The following KCNS2 variants were observed in gnomAD, a reference collection of about 807,000 sequenced individuals.
KCNS2 encodes delayed-rectifier potassium channel regulatory subunit KCNS2.
Under a neutral mutation model 28.3 loss-of-function variants are expected in KCNS2, and 15 were observed. The ratio of observed to expected loss-of-function variants is 0.53; its 90% CI spans 0.35 to 0.82. KCNS2 has a LOEUF of 0.82. Ranked by LOEUF, KCNS2 falls within the 40% of genes least tolerant of loss-of-function variation. The probability of loss-of-function intolerance (pLI) is 0.01; values close to 1 mark genes in which losing one functional copy is unlikely to be tolerated. For missense variants in KCNS2, 501 were observed against 617.1 expected (o/e 0.81, Z 1.99); for synonymous variants, 254 against 256.7 (o/e 0.99, Z 0.10).
Position 98,428,260 on chromosome 8 carries a change from C to G in KCNS2, c.281C>G (p.Ala94Gly). Residue 94 changes from alanine (A) to glycine (G), a missense_variant, in exon 2 of 2, where the codon GCT (alanine) becomes GGT (glycine). Coordinates refer to ENST00000287042, the MANE Select transcript of KCNS2 (RefSeq NM_020697.4). This position sits in a 1 kb window ranked among gnomAD's most constrained non-coding sequence, Gnocchi z 6.7. The stretch of plus-strand genomic sequence containing the variant: ...CACACCGGCAAGCTTCACGTCATGG[C>G]TGAGCTATGTGTCTTCTCCTTCAGC... ...FYHTGKLHVM[A>G]ELCVFSFSQE... 1.2e-6 allele frequency: 2 copies of G among 1,614,152 alleles called. No homozygotes were observed. Among genetic ancestry groups the G allele is most frequent in the Non-Finnish European group, 1.7e-6 (2 of 1,180,032 alleles).
In KCNS2 at chr8:98,428,027, C is replaced by A. The variant is rs140515528; in HGVS notation, c.48C>A (p.Asp16Glu). 2.0e-5 allele frequency: 32 copies of A among 1,603,684 alleles called. No individual in the cohort carries two copies. Among genetic ancestry groups the A allele is most frequent in the Non-Finnish European group, 8.5e-7 (1 of 1,174,478 alleles). The change falls in exon 2 of 2, where the codon GAC (aspartate) becomes GAA (glutamate). Residue 16 changes from aspartate to glutamate, a missense_variant. Asp to Glu is a conservative substitution (Grantham distance 45, BLOSUM62 2). Transcript: ENST00000287042. The surrounding 1 kb of genome is among the most constrained non-coding windows in gnomAD (Gnocchi z 6.7). ...LWDVSEANVE[D>E]GEIRINVGGF... is the part of the protein sequence containing the mutation. Reference sequence around the variant, plus strand: ...ACGTGTCGGAGGCTAACGTCGAGGACGGGGAGATCCGCATCAATGTGGGCG... The same window carrying A: ...ACGTGTCGGAGGCTAACGTCGAGGAAGGGGAGATCCGCATCAATGTGGGCG...
rs921768514 is a variant in KCNS2, at chr8:98,432,071, C to T, written c.*2658C>T. 1 of 167,042 alleles carries T rather than the reference C, an allele frequency of 6.0e-6. No homozygotes were observed. Among genetic ancestry groups the T allele is most frequent in the African/African-American group, 2.4e-5 (1 of 41,450 alleles). 10.3% of individuals were successfully genotyped at this position (167,042 alleles called of 1,614,324 possible). On this transcript the variant is annotated 3_prime_UTR_variant, in exon 2 of 2. Coordinates refer to ENST00000287042, the MANE Select transcript of KCNS2 (RefSeq NM_020697.4). ...AATCTTCCTCTCCCCTAAAGTCTCA[C>T]TAAGGTTTGAAGTTTACAGGTGCTC...
rs932889118 is a variant in KCNS2 at position 98,431,771 on chromosome 8, G to A, written c.*2358G>A. Reference sequence around the variant, plus strand: ...AAACTTGACTTTTCTTTTTGGTAATGACTTGCATTTATCTGGTGCCTTTCG... The same window carrying A: ...AAACTTGACTTTTCTTTTTGGTAATAACTTGCATTTATCTGGTGCCTTTCG... On this transcript the variant is annotated 3_prime_UTR_variant, in exon 2 of 2. Coordinates refer to ENST00000287042, the MANE Select transcript of KCNS2 (RefSeq NM_020697.4). 6.0e-6 allele frequency: 1 copy of A among 167,220 alleles called. No individual in the cohort carries two copies. The highest frequency in any genetic ancestry group is 6.5e-5 in the Admixed American group (1 of 15,312). The allele number at this position is 167,220 out of a possible 1,614,324, so 10.4% of individuals were successfully genotyped here. A position where few individuals can be genotyped will look rare whatever the true frequency, so the allele number is the denominator to read the frequency against.
At position 98,429,845 on chromosome 8, in the gene KCNS2, G is replaced by GC. The variant is rs1235913932; in HGVS notation, c.*432_*433insC. 5.7e-6 allele frequency: 1 copy of GC among 174,154 alleles called. No homozygotes were observed. The highest frequency in any genetic ancestry group is 1.4e-5 in the Non-Finnish European group (1 of 73,024). 10.8% of individuals were successfully genotyped at this position (174,154 alleles called of 1,614,324 possible). ...CGTCCAGTAGAAATGCATCTATGAG[G>GC]TCAGCAAGGATATGATGAGATTTTG... On this transcript the variant is annotated 3_prime_UTR_variant, in exon 2 of 2. Coordinates refer to ENST00000287042, the MANE Select transcript of KCNS2 (RefSeq NM_020697.4).
Position 98,432,576 on chromosome 8 carries a change from T to C in KCNS2, c.*3163T>C, listed in dbSNP as rs1172905624. ...ATTGGTATTTAACATTTGCATTTGT[T>C]ATTTCTACTTATCTTAGCACTCAAA... On this transcript the variant is annotated 3_prime_UTR_variant, in exon 2 of 2. Coordinates refer to ENST00000287042, the MANE Select transcript of KCNS2 (RefSeq NM_020697.4). 1 of 167,144 alleles carries C rather than the reference T, an allele frequency of 6.0e-6. No homozygotes were observed. The highest frequency in any genetic ancestry group is 2.4e-5 in the African/African-American group (1 of 41,470). The allele number at this position is 167,144 out of a possible 1,614,324, so 10.4% of individuals were successfully genotyped here.
rs746548261 is a variant in KCNS2 at position 98,428,815 on chromosome 8, T to C, written c.836T>C (p.Leu279Pro). The change falls in exon 2 of 2, where the codon CTG becomes CCG. Residue 279 changes from leucine to proline, a missense_variant. Physicochemically the swap from Leu to Pro is moderately conservative, Grantham distance 98 (BLOSUM62 -3). Transcript: ENST00000287042. This position sits in a 1 kb window ranked among gnomAD's most constrained non-coding sequence, Gnocchi z 6.7. The part of the protein sequence containing the change: ...VPFYITLVVN[L>P]VVESTPTLAN... The stretch of plus-strand genomic sequence containing the variant: ...TTTTACATCACTCTGGTGGTGAACC[T>C]GGTGGTGGAGAGCACACCTACTTTA... 6.2e-7 allele frequency: 1 copy of C among 1,614,210 alleles called. No individual in the cohort carries two copies. Among genetic ancestry groups the C allele is most frequent in the East Asian group, 2.2e-5 (1 of 44,886 alleles).
chr8:98,428,478 G>C lies in KCNS2; in HGVS notation c.499G>C (p.Gly167Arg). The change falls in exon 2 of 2, where the codon GGC becomes CGC. Residue 167 changes from glycine to arginine, a missense_variant. By Grantham distance (125) the Gly-to-Arg change is moderately radical. Coordinates refer to ENST00000287042, the MANE Select transcript of KCNS2 (RefSeq NM_020697.4). The surrounding 1 kb of genome is among the most constrained non-coding windows in gnomAD (Gnocchi z 6.7). ...CTCCAAGTTCGATGGGCAGCCCCTC[G>C]GCAACTTCCGCAGGCAGCTGTGGCT... Reference protein sequence around the residue: ...DASKFDGQPLGNFRRQLWLAL... With the variant: ...DASKFDGQPLRNFRRQLWLAL... 1.2e-6 allele frequency: 2 copies of C among 1,614,102 alleles called. No homozygotes were observed. Among genetic ancestry groups the C allele is most frequent in the Non-Finnish European group, 1.7e-6 (2 of 1,180,048 alleles).
In KCNS2 at chr8:98,431,978, C is replaced by G. The variant is rs968178565; in HGVS notation, c.*2565C>G. ...CAGATAAGTGGGAGAAAGAACAACCCGGCTGGCTTAAACCCTGGAGCTAAT... is the reference window on the plus strand; with the variant it reads ...CAGATAAGTGGGAGAAAGAACAACCGGGCTGGCTTAAACCCTGGAGCTAAT... On this transcript the variant is annotated 3_prime_UTR_variant, in exon 2 of 2. Coordinates refer to ENST00000287042, the MANE Select transcript of KCNS2 (RefSeq NM_020697.4). 1.2e-5 allele frequency: 2 copies of G among 167,018 alleles called. No individual in the cohort carries two copies. Among genetic ancestry groups the G allele is most frequent in the Non-Finnish European group, 2.9e-5 (2 of 68,118 alleles). The allele number at this position is 167,018 out of a possible 1,614,324, so 10.3% of individuals were successfully genotyped here. A position where few individuals can be genotyped will look rare whatever the true frequency, so the allele number is the denominator to read the frequency against.
Position 98,429,206 on chromosome 8 carries a change from C to G in KCNS2, c.1227C>G (p.Ile409Met). ...TGGTGGTCCTGCCCATCACCTTGAT[C>G]TTCAATAAGTTCTCCCACTTTTACC... Reference protein sequence around the residue: ...ILVVVLPITLIFNKFSHFYRR... With the variant: ...ILVVVLPITLMFNKFSHFYRR... Residue 409 changes from isoleucine to methionine, a missense_variant, in exon 2 of 2, where the codon ATC becomes ATG. Ile to Met is a conservative substitution (Grantham distance 10). Transcript: ENST00000287042. 1 of 1,614,052 alleles carries G rather than the reference C, an allele frequency of 6.2e-7. No homozygotes were observed. Among genetic ancestry groups the G allele is most frequent in the Non-Finnish European group, 8.5e-7 (1 of 1,180,024 alleles).
At position 98,431,536 on chromosome 8, in the gene KCNS2, T is replaced by C. The variant is rs768398723; in HGVS notation, c.*2123T>C. On this transcript the variant is annotated 3_prime_UTR_variant, in exon 2 of 2. Coordinates refer to ENST00000287042, the MANE Select transcript of KCNS2 (RefSeq NM_020697.4). Reference sequence around the variant, plus strand: ...ACTGAAGGCAGGTGGTGGTACAGACTTATGAGGACGGATCAGTTTGCCAAG... The same window carrying C: ...ACTGAAGGCAGGTGGTGGTACAGACCTATGAGGACGGATCAGTTTGCCAAG... 1 of 167,092 alleles carries C rather than the reference T, an allele frequency of 6.0e-6. No individual in the cohort carries two copies. The highest frequency in any genetic ancestry group is 1.5e-5 in the Non-Finnish European group (1 of 68,130). 10.4% of individuals were successfully genotyped at this position (167,092 alleles called of 1,614,324 possible). A position where few individuals can be genotyped will look rare whatever the true frequency, so the allele number is the denominator to read the frequency against.
chr8:98,429,164 C>G lies in KCNS2; in HGVS notation c.1185C>G (p.Ile395Met). The G allele has an allele frequency of 1.9e-6, 3 of 1,613,606 alleles. No homozygotes were observed. The highest frequency in any genetic ancestry group is 2.5e-6 in the Non-Finnish European group (3 of 1,179,620). ...GAAAGCTGACTGCCTCTGCCTGCAT[C>G]TTGGCAGGCATCCTCGTGGTGGTCC... ...TAGKLTASAC[I>M]LAGILVVVLP... Residue 395 changes from isoleucine (I) to methionine (M), a missense_variant, in exon 2 of 2, where the codon ATC becomes ATG. Transcript: ENST00000287042.
rs774737593 is a variant in KCNS2 at position 98,430,728 on chromosome 8, T to C, written c.*1315T>C. 3 of 167,068 alleles carry C rather than the reference T, an allele frequency of 1.8e-5. No individual in the cohort carries two copies. Among genetic ancestry groups the C allele is most frequent in the Admixed American group, 1.3e-4 (2 of 15,284 alleles). 10.3% of individuals were successfully genotyped at this position (167,068 alleles called of 1,614,324 possible). Reference sequence around the variant, plus strand: ...TTACTTGCATTCCCACTGCCTTTCATGGGGGGTGACTGGGTAGAGGCCAGG... The same window carrying C: ...TTACTTGCATTCCCACTGCCTTTCACGGGGGGTGACTGGGTAGAGGCCAGG... On this transcript the variant is annotated 3_prime_UTR_variant, in exon 2 of 2. Transcript: ENST00000287042.
In KCNS2 at chr8:98,430,787, A is replaced by G. The variant is rs1818315290; in HGVS notation, c.*1374A>G. The G allele has an allele frequency of 6.0e-6, 1 of 167,116 alleles. No homozygotes were observed. The highest frequency in any genetic ancestry group is 1.5e-5 in the Non-Finnish European group (1 of 68,138). 10.4% of individuals were successfully genotyped at this position (167,116 alleles called of 1,614,324 possible). On this transcript the variant is annotated 3_prime_UTR_variant, in exon 2 of 2. Transcript: ENST00000287042. ...AAGAGTTGTAAAATAAAAAACTGCT[A>G]GTTCATAAAATGTCATAAAAAATTG...
Position 98,432,594 on chromosome 8 carries a change from C to T in KCNS2, c.*3181C>T, listed in dbSNP as rs553827965. The T allele has an allele frequency of 7.2e-5, 12 of 167,196 alleles. No homozygotes were observed. The East Asian group carries it at 2.3e-3, about 32-fold the overall frequency. The allele number at this position is 167,196 out of a possible 1,614,324, so 10.4% of individuals were successfully genotyped here. On this transcript the variant is annotated 3_prime_UTR_variant, in exon 2 of 2. Coordinates refer to ENST00000287042, the MANE Select transcript of KCNS2 (RefSeq NM_020697.4). ...CATTTGTTATTTCTACTTATCTTAG[C>T]ACTCAAATAATTGAACTACCTGCTA... is the stretch of plus-strand genomic sequence containing the variant.
Position 98,427,928 on chromosome 8 carries a change from C to A in KCNS2, c.-42-10C>A. 1.4e-6 allele frequency: 2 copies of A among 1,420,346 alleles called. No individual in the cohort carries two copies. Among genetic ancestry groups the A allele is most frequent in the Non-Finnish European group, 1.9e-6 (2 of 1,066,182 alleles). 88.0% of individuals were successfully genotyped at this position (1,420,346 alleles called of 1,614,324 possible). A position where few individuals can be genotyped will look rare whatever the true frequency, so the allele number is the denominator to read the frequency against. Reference sequence around the variant, plus strand: ...GGCGCTCTCGCCGACGCTGTTCCCTCCGCTTCCAGGTGTAGCGCCCCCGCG... The same window carrying A: ...GGCGCTCTCGCCGACGCTGTTCCCTACGCTTCCAGGTGTAGCGCCCCCGCG... On this transcript the variant is annotated splice_polypyrimidine_tract_variant and intron_variant, in intron 1 of 1. Coordinates refer to ENST00000287042, the MANE Select transcript of KCNS2 (RefSeq NM_020697.4).
chr8:98,427,886 G>A (rs1818260632), intron 1 of KCNS2, 52 bp from the exon 2 acceptor site: 1 of 1,110,410 alleles, frequency 9.0e-7, no homozygotes, highest in Non-Finnish European at 1.3e-6. Flanking sequence ...GGGAGAGGGG[G>A]CCCCGCCAGG....
rs1357735601 is a variant in KCNS2 at position 98,429,055 on chromosome 8, C to T, written c.1076C>T (p.Ala359Val). 2 of 1,612,972 alleles carry T rather than the reference C, an allele frequency of 1.2e-6. No individual in the cohort carries two copies. The highest frequency in any genetic ancestry group is 1.7e-6 in the Non-Finnish European group (2 of 1,179,280). Residue 359 changes from alanine (A) to valine (V), a missense_variant, in exon 2 of 2, where the codon GCC becomes GTC. Physicochemically the swap from Ala to Val is moderately conservative, Grantham distance 64 (BLOSUM62 0). Coordinates refer to ENST00000287042, the MANE Select transcript of KCNS2 (RefSeq NM_020697.4). ...GAAAAGGAGGAGAACGAGGGCCTGG[C>T]CACCATCCCTGCCTGCTGGTGGTGG... ...TIEKEENEGL[A>V]TIPACWWWAT...
At position 98,429,011 on chromosome 8, in the gene KCNS2, C is replaced by T. The variant is rs747707985; in HGVS notation, c.1032C>T (p.Ser344=). ...LYLSVGISIF[S]VVAYTIEKEE... is the part of the protein sequence containing the mutation. ...TCTCCGTGGGGATTTCCATCTTCTC[C>T]GTGGTGGCCTACACCATTGAAAAGG... The change falls in exon 2 of 2, where the codon TCC becomes TCT. Residue 344 remains serine (S), a synonymous_variant. Coordinates refer to ENST00000287042, the MANE Select transcript of KCNS2 (RefSeq NM_020697.4). 6.2e-6 allele frequency: 10 copies of T among 1,614,092 alleles called. No individual in the cohort carries two copies. Among genetic ancestry groups the T allele is most frequent in the East Asian group, 2.2e-5 (1 of 44,870 alleles).
Position 98,429,521 on chromosome 8 carries a change from GAGGGGAGAGATGCATGGGATATGCACCC to G in KCNS2, c.*112_*139del. On this transcript the variant is annotated 3_prime_UTR_variant, in exon 2 of 2. Transcript: ENST00000287042. ...GGTGTAAGGAGTATGCCCAGCCCCT[GAGGGGAGAGATGCATGGGATATGCACCC>G]AGGTTTCTTTTACAGTTTTTAGAAT... The G allele has an allele frequency of 1.3e-6, 1 of 768,432 alleles. No homozygotes were observed. The highest frequency in any genetic ancestry group is 2.6e-5 in the East Asian group (1 of 38,954). The allele number at this position is 768,432 out of a possible 1,614,324, so 47.6% of individuals were successfully genotyped here. A position where few individuals can be genotyped will look rare whatever the true frequency, so the allele number is the denominator to read the frequency against.
Sources: gnomAD v4.1 joint callset for allele counts on GRCh38, gnomAD v4.1.1 for gene constraint, Gnocchi (gnomAD v3.1) non-coding constraint, MANE v1.5 for transcripts, NCBI Gene and HGNC (gene_info 2026-07-23, HGNC 2026-07-21) for gene names.